NRG1: variants seen among roughly 807,000 people sequenced by gnomAD.
NRG1 encodes pro-neuregulin-1, membrane-bound isoform.
Under a neutral mutation model 63.8 loss-of-function variants are expected in NRG1, and 18 were observed. That is an observed-to-expected ratio of 0.28 (90% confidence interval 0.19 to 0.42). The LOEUF (loss-of-function observed/expected upper bound fraction) is 0.42. Among genes scored for constraint, NRG1 ranks in the 10% least tolerant of loss-of-function variants. The probability of loss-of-function intolerance (pLI) is 1.00; values close to 1 mark genes in which losing one functional copy is unlikely to be tolerated. For missense variants in NRG1, 762 were observed against 814.7 expected (o/e 0.94, Z 0.79); for synonymous variants, 302 against 301.3 (o/e 1.00, Z -0.02).
intron 1 of NRG1, among the ~76,000 whole-genome samples, chr8:32,510,097 A>T (rs984062704): frequency 7.2e-6 from 1 of 139,106 alleles, no homozygotes; most frequent in South Asian, 2.3e-4. Context: ...TCCTAGACAA[A>T]AATAATAATA....
intron 1 of NRG1, among the ~76,000 whole-genome samples, chr8:32,101,175 G>A (rs957570671): frequency 6.6e-6 from 1 of 152,124 alleles, no homozygotes; most frequent in Non-Finnish European, 1.5e-5. Context: ...ATAATCAGAA[G>A]CATTTAGAAT....
intron 1 of NRG1, among the ~76,000 whole-genome samples, chr8:31,912,173 T>A (rs1832998394): frequency 1.3e-5 from 2 of 152,184 alleles, no homozygotes; most frequent in Admixed American, 1.3e-4. Context: ...CCAAATGCAA[T>A]CATGTATAGA....
chr8:32,637,327 A>T (rs895936528), intron 5 of NRG1, among the ~76,000 whole-genome samples: 6 of 152,140 alleles, frequency 3.9e-5, no homozygotes, highest in East Asian at 1.9e-4. Context: ...TACATTGTTT[A>T]AGAGAACATG....
intron 1 of NRG1, among the ~76,000 whole-genome samples, chr8:31,811,611 C>T (rs1822895802): frequency 6.6e-6 from 1 of 152,112 alleles, no homozygotes; most frequent in Non-Finnish European, 1.5e-5. Context: ...AATGTAGCTA[C>T]ACATTTATAT....
intron 1 of NRG1, among the ~76,000 whole-genome samples, chr8:32,475,481 G>T (rs1376417067): frequency 1.6e-5 from 1 of 63,446 alleles, no homozygotes; most frequent in Non-Finnish European, 3.5e-5. Context: ...AAAAAAAAAA[G>T]TGCCTACTCA....
At chr8:32,515,803 C>T (rs1482391132) in intron 1 of NRG1, among the ~76,000 whole-genome samples, 1 of 152,096 alleles carries the variant, frequency 6.6e-6, no homozygotes, top group African/African-American at 2.4e-5. Context: ...TTTATAGAAT[C>T]TTGATATTAG....
At chr8:32,347,069 T>C (rs1586956656) in intron 1 of NRG1, among the ~76,000 whole-genome samples, 1 of 152,060 alleles carries the variant, frequency 6.6e-6, no homozygotes, top group South Asian at 2.1e-4. Flanking sequence ...GACCTCGTGA[T>C]CCGCCCGCCT....
intron 1 of NRG1, among the ~76,000 whole-genome samples, chr8:32,468,473 A>G (rs1365120419): frequency 2.6e-5 from 4 of 152,186 alleles, no homozygotes; most frequent in Non-Finnish European, 1.5e-5. Flanking sequence ...CATCCTCCCA[A>G]AATCACTCAC....
chr8:32,511,360 T>C (rs1187639268), intron 1 of NRG1, among the ~76,000 whole-genome samples: 1 of 86,448 alleles, frequency 1.2e-5, no homozygotes, highest in African/African-American at 3.8e-5. Context: ...TCTGTCGATA[T>C]ATATGTGTAT....
At chr8:32,482,866 C>A (rs911625997) in intron 1 of NRG1, among the ~76,000 whole-genome samples, 3 of 152,174 alleles carry the variant, frequency 2.0e-5, no homozygotes, top group Non-Finnish European at 2.9e-5. Flanking sequence ...GCACTCCCAG[C>A]CGTCAACCAG....
At chr8:32,166,035 T>C (rs932493899) in intron 1 of NRG1, among the ~76,000 whole-genome samples, 1 of 152,176 alleles carries the variant, frequency 6.6e-6, no homozygotes, top group Non-Finnish European at 1.5e-5. Context: ...GTAAAGATTT[T>C]GATGCCATTT....
intron 1 of NRG1, among the ~76,000 whole-genome samples, chr8:32,358,373 A>G (rs1318682434): frequency 2.5e-5 from 3 of 118,484 alleles, no homozygotes; most frequent in African/African-American, 5.2e-5. Context: ...TTTATGAAAA[A>G]AAAAAAAAAA....
At position 31,813,820 on chromosome 8, in the gene NRG1, C is replaced by T. The variant is rs533875915; in HGVS notation, c.37+174389C>T. Among the ~76,000 whole-genome samples, 328 of 152,168 alleles carry T rather than the reference C, an allele frequency of 2.2e-3. 1 individual carries two copies. The highest frequency in any genetic ancestry group is 3.4e-3 in the Middle Eastern group (1 of 294). ...GGGATTATAGGTGTGAGCCATCATGCCTGGCCAGGAATTTTCTTGAATGCT... is the reference window on the plus strand; with the variant it reads ...GGGATTATAGGTGTGAGCCATCATGTCTGGCCAGGAATTTTCTTGAATGCT... On this transcript the variant is annotated intron_variant, in intron 1 of 10. Transcript: ENST00000519301.
chr8:32,275,349 C>A (rs1851981445), intron 1 of NRG1, among the ~76,000 whole-genome samples: 1 of 151,924 alleles, frequency 6.6e-6, no homozygotes, highest in African/African-American at 2.4e-5. Flanking sequence ...TGGAGACAGA[C>A]GGTAAGAATA....
chr8:32,599,179 T>C (rs923727216), intron 2 of NRG1, among the ~76,000 whole-genome samples: 4 of 152,150 alleles, frequency 2.6e-5, no homozygotes, highest in African/African-American at 9.6e-5. Flanking sequence ...TTACTATTAA[T>C]GATTTTTAAT....
chr8:31,915,794 T>A (rs1275023186), intron 1 of NRG1, among the ~76,000 whole-genome samples: 1 of 152,146 alleles, frequency 6.6e-6, no homozygotes, highest in Non-Finnish European at 1.5e-5. Context: ...GTTTGCCAAG[T>A]TAATTTACAC....
chr8:32,234,424 C>T (rs1401992231), intron 1 of NRG1, among the ~76,000 whole-genome samples: 1 of 152,152 alleles, frequency 6.6e-6, no homozygotes, highest in East Asian at 1.9e-4. Context: ...ATTTAATCCT[C>T]ATAATAGTTT....
chr8:31,802,060 A>G (rs1266262525), intron 1 of NRG1, among the ~76,000 whole-genome samples: 3 of 152,190 alleles, frequency 2.0e-5, no homozygotes, highest in Non-Finnish European at 4.4e-5. Context: ...AACAGTGTCA[A>G]TTATTTTTAT....
chr8:31,971,932 A>G (rs1469442073), intron 1 of NRG1, among the ~76,000 whole-genome samples: 2 of 152,060 alleles, frequency 1.3e-5, no homozygotes, highest in Non-Finnish European at 2.9e-5. Context: ...TTACTTGTAG[A>G]TGGTTAACAA....
Sources: gnomAD v4.1 joint callset for allele counts (sites outside exome capture counted in the v4.1 genomes callset) on GRCh38, gnomAD v4.1.1 for gene constraint, MANE v1.5 for transcripts, NCBI Gene and HGNC (gene_info 2026-07-23, HGNC 2026-07-21) for gene names.